CRPPA: variants seen among roughly 807,000 people sequenced by gnomAD.
CRPPA encodes the protein D-ribitol-5-phosphate cytidylyltransferase.
CRPPA carries 43 observed loss-of-function variants against 52.0 expected under a neutral mutation model. The ratio of observed to expected loss-of-function variants is 0.83; its 90% CI spans 0.65 to 1.07. The LOEUF is 1.07. Ranked by LOEUF, CRPPA falls within the 50% of genes least tolerant of loss-of-function variation. The pLI, the probability that CRPPA is intolerant of heterozygous loss-of-function variation, is 0.00. For missense variants in CRPPA, 629 were observed against 551.7 expected (o/e 1.14, Z -1.40); for synonymous variants, 250 against 203.5 (o/e 1.23, Z -1.94).
intron 9 of CRPPA, among the ~76,000 whole-genome samples, chr7:16,101,340 T>G (rs1470760638): frequency 6.6e-6 from 1 of 152,190 alleles, no homozygotes; most frequent in African/African-American, 2.4e-5. Context: ...AACTTGCTAC[T>G]CAGTGATTCA....
intron 3 of CRPPA, among the ~76,000 whole-genome samples, chr7:16,314,326 G>A (rs929847216): frequency 2.6e-5 from 4 of 151,962 alleles, no homozygotes; most frequent in East Asian, 1.9e-4. Flanking sequence ...CAATAATGGT[G>A]TGCCACTTGG....
intron 9 of CRPPA, among the ~76,000 whole-genome samples, chr7:16,183,604 A>G (rs2128388315): frequency 6.6e-6 from 1 of 152,302 alleles, no homozygotes; most frequent in East Asian, 1.9e-4. Context: ...GTTGCTTTAG[A>G]GTCCTTCTAG....
chr7:16,301,480 A>G lies in CRPPA; in HGVS notation c.790-14T>C, dbSNP rs142414812. On this transcript the variant is annotated splice_polypyrimidine_tract_variant and intron_variant, in intron 4 of 9. Transcript: ENST00000407010. ...TTTGTAGGTCACCTAAAGGACAGAT[A>G]AACTTCATTAGACTTAACAGAGCAG... 2,779 of 1,601,964 alleles carry G rather than the reference A, an allele frequency of 1.7e-3. 6 individuals carry two copies. The highest frequency in any genetic ancestry group is 2.3e-3 in the Non-Finnish European group (2,676 of 1,169,844).
intron 2 of CRPPA, among the ~76,000 whole-genome samples, chr7:16,395,951 A>T (rs1405422402): frequency 1.3e-5 from 2 of 152,210 alleles, no homozygotes; most frequent in Non-Finnish European, 1.5e-5. Flanking sequence ...AAAATAGATC[A>T]AGTTCCACCT....
intron 8 of CRPPA, among the ~76,000 whole-genome samples, chr7:16,232,790 C>G (rs1423793843): frequency 6.6e-6 from 1 of 152,068 alleles, no homozygotes; most frequent in African/African-American, 2.4e-5. Context: ...ACATCCATCA[C>G]CTAAGATAAA....
chr7:16,362,778 A>G (rs1158603781), intron 3 of CRPPA, among the ~76,000 whole-genome samples: 2 of 152,222 alleles, frequency 1.3e-5, no homozygotes. Flanking sequence ...AATCTAAGAA[A>G]GATTTAAAGA....
In CRPPA at chr7:16,421,481, T is replaced by G. The variant is rs1788338948; in HGVS notation, c.-159A>C. 6.6e-6 allele frequency among the ~76,000 whole-genome samples: 1 copy of G among 152,110 alleles called. No homozygotes were observed. The highest frequency in any genetic ancestry group is 1.5e-5 in the Non-Finnish European group (1 of 68,000). On this transcript the variant is annotated 5_prime_UTR_variant, in exon 1 of 10. Coordinates refer to ENST00000407010, the MANE Select transcript of CRPPA (RefSeq NM_001101426.4). ...CCCCTCAGCCGTCGGAGCCCCGCTG[T>G]TGCTGCCCCGCAGGGGACGATCCCG...
At chr7:16,162,472 C>T (rs193150580) in intron 9 of CRPPA, among the ~76,000 whole-genome samples, 86 of 152,122 alleles carry the variant, frequency 5.7e-4, no homozygotes, top group Admixed American at 9.2e-4. Flanking sequence ...TCAGTTTCCA[C>T]GTAGTTGTGT....
intron 2 of CRPPA, among the ~76,000 whole-genome samples, chr7:16,404,583 T>C (rs184279367): frequency 1.1e-4 from 17 of 150,534 alleles, no homozygotes; most frequent in Middle Eastern, 3.4e-3. Flanking sequence ...ATTGTTATAG[T>C]GAGCTTAAGT....
chr7:16,168,684 GTATC>G (rs1227786345), intron 9 of CRPPA, among the ~76,000 whole-genome samples: 5 of 151,810 alleles, frequency 3.3e-5, no homozygotes, highest in African/African-American at 1.2e-4. Flanking sequence ...AAATATTAGG[GTATC>G]TATCTAGAAT....
intron 3 of CRPPA, among the ~76,000 whole-genome samples, chr7:16,362,559 A>G (rs1203666206): frequency 6.6e-6 from 1 of 152,256 alleles, no homozygotes; most frequent in Non-Finnish European, 1.5e-5. Flanking sequence ...CATAGCAGTC[A>G]GAGAAGAAAT....
intron 5 of CRPPA, among the ~76,000 whole-genome samples, chr7:16,288,565 G>T (rs537873689): frequency 6.6e-6 from 1 of 151,810 alleles, no homozygotes; most frequent in Non-Finnish European, 1.5e-5. Flanking sequence ...CACAATACAG[G>T]CTGGGCACAG....
At chr7:16,146,963 T>A (rs1782985953) in intron 9 of CRPPA, among the ~76,000 whole-genome samples, 1 of 152,286 alleles carries the variant, frequency 6.6e-6, no homozygotes, top group South Asian at 2.1e-4. Flanking sequence ...TCAAAAGACA[T>A]AGGGGCTACA....
chr7:16,096,937 T>C (rs903866090), intron 9 of CRPPA, among the ~76,000 whole-genome samples: 1 of 152,176 alleles, frequency 6.6e-6, no homozygotes, highest in Non-Finnish European at 1.5e-5. Flanking sequence ...TTTGCTATAT[T>C]TTCAAAACCC....
chr7:16,099,222 C>A lies in CRPPA; in HGVS notation c.1252-7423G>T, dbSNP rs115650449. ...GAGCAATGATTGTGCCACTGCACTGCAGCCTAGGTGACAGAGCAAGACCCT... is the reference window on the plus strand; with the variant it reads ...GAGCAATGATTGTGCCACTGCACTGAAGCCTAGGTGACAGAGCAAGACCCT... On this transcript the variant is annotated intron_variant, in intron 9 of 9. Coordinates refer to ENST00000407010, the MANE Select transcript of CRPPA (RefSeq NM_001101426.4). Among the ~76,000 whole-genome samples, 265 of 149,418 alleles carry A rather than the reference C, an allele frequency of 1.8e-3. 2 individuals are homozygous for A. Among genetic ancestry groups the A allele is most frequent in the African/African-American group, 6.3e-3 (254 of 40,462 alleles).
Position 16,216,037 on chromosome 7 carries a change from T to C in CRPPA, c.1251+29A>G, listed in dbSNP as rs776783679. The C allele has an allele frequency of 5.2e-6, 8 of 1,532,738 alleles. No individual in the cohort carries two copies. The South Asian group carries it at 9.8e-5, about 19-fold the overall frequency. 94.9% of individuals were successfully genotyped at this position (1,532,738 alleles called of 1,614,324 possible). On this transcript the variant is annotated intron_variant, in intron 9 of 9. Transcript: ENST00000407010. ...ACCATTAAAACTAGTCTACAGAACATACATTCGGAAGATAAACATTTTACC... is the reference window on the plus strand; with the variant it reads ...ACCATTAAAACTAGTCTACAGAACACACATTCGGAAGATAAACATTTTACC...
intron 6 of CRPPA, among the ~76,000 whole-genome samples, chr7:16,260,299 G>T (rs867994174): frequency 2.6e-5 from 4 of 151,554 alleles, no homozygotes; most frequent in African/African-American, 9.7e-5. Context: ...GTAAGATGGG[G>T]ACATCTCTCT....
At chr7:16,152,342 AACG>A (rs896072911) in intron 9 of CRPPA, among the ~76,000 whole-genome samples, 2 of 151,816 alleles carry the variant, frequency 1.3e-5, no homozygotes, top group African/African-American at 4.8e-5. Flanking sequence ...ACATAAGATA[AACG>A]ACTTTATTTT....
rs975859665 is a variant in CRPPA at position 16,378,095 on chromosome 7, T to G, written c.535-1854A>C. 2.6e-5 allele frequency among the ~76,000 whole-genome samples: 4 copies of G among 151,334 alleles called. No individual in the cohort carries two copies. The South Asian group carries it at 8.3e-4, about 32-fold the overall frequency. ...GCAGTGATGTGGTGATTTTTCCTTT[T>G]TTTTTAATTTTTTTAAATTTTATTA... On this transcript the variant is annotated intron_variant, in intron 2 of 9. Coordinates refer to ENST00000407010, the MANE Select transcript of CRPPA (RefSeq NM_001101426.4).
Sources: allele counts gnomAD v4.1 joint callset (sites outside exome capture counted in the v4.1 genomes callset), GRCh38; gene constraint gnomAD v4.1.1; transcripts MANE v1.5; gene names NCBI Gene and HGNC (gene_info 2026-07-23, HGNC 2026-07-21).